The following NRIP1 variants were observed in gnomAD, a reference collection of about 807,000 sequenced individuals.
NRIP1 encodes the protein nuclear receptor interacting protein 1, also known as nuclear receptor-interacting protein 1.
In NRIP1, 28 loss-of-function variants were observed where a neutral mutation model predicts 75.0. The ratio of observed to expected loss-of-function variants is 0.37; its 90% CI spans 0.28 to 0.51. The LOEUF (loss-of-function observed/expected upper bound fraction) is 0.51, where lower values mean the gene tolerates loss of function less well. Among genes scored for constraint, NRIP1 ranks in the 20% least tolerant of loss-of-function variants. The probability of loss-of-function intolerance (pLI) is 0.92; values close to 1 mark genes in which losing one functional copy is unlikely to be tolerated. For synonymous variants in NRIP1, 526 were observed against 487.6 expected, an observed-to-expected ratio of 1.08 and a Z score of -1.04; for missense variants, 1,435 against 1,343.7, an observed-to-expected ratio of 1.07 and a Z score of -1.06.
intron 3 of NRIP1, among the ~76,000 whole-genome samples, chr21:14,978,599 A>G (rs1345037079): frequency 6.6e-6 from 1 of 152,200 alleles, no homozygotes; most frequent in Non-Finnish European, 1.5e-5. Flanking sequence ...ATCTTTGATG[A>G]CACAAATAAA....
chr21:15,000,439 T>C (rs961069987), intron 3 of NRIP1, among the ~76,000 whole-genome samples: 9 of 152,022 alleles, frequency 5.9e-5, no homozygotes, highest in Admixed American at 4.6e-4. Flanking sequence ...CCTTTCCTGT[T>C]AAAACAATCT....
At position 14,975,094 on chromosome 21, in the gene NRIP1, C is replaced by T. The variant is rs144534052; in HGVS notation, c.-334-6568G>A. 3.8e-3 allele frequency among the ~76,000 whole-genome samples: 575 copies of T among 151,610 alleles called. 4 individuals are homozygous for T. Among genetic ancestry groups the T allele is most frequent in the Non-Finnish European group, 4.5e-3 (304 of 67,864 alleles). On this transcript the variant is annotated intron_variant, in intron 3 of 3. Transcript: ENST00000318948. ...CACCTGTGCACTTTAGCCTGGGTGACAGAGCAAGACCCTGTGGAAAGAAAG... is the reference window on the plus strand; with the variant it reads ...CACCTGTGCACTTTAGCCTGGGTGATAGAGCAAGACCCTGTGGAAAGAAAG...
intron 3 of NRIP1, among the ~76,000 whole-genome samples, chr21:14,995,177 G>C (rs865901291): frequency 6.6e-6 from 1 of 152,218 alleles, no homozygotes; most frequent in Non-Finnish European, 1.5e-5. Flanking sequence ...GGAGTAACTA[G>C]ATAAGCAGAA....
chr21:14,980,873 T>C (rs1168023842), intron 3 of NRIP1, among the ~76,000 whole-genome samples: 1 of 152,140 alleles, frequency 6.6e-6, no homozygotes, highest in Non-Finnish European at 1.5e-5. Flanking sequence ...TTGCTAGTTT[T>C]TCAAAAATAA....
chr21:14,968,260 G>T lies in NRIP1; in HGVS notation c.-68C>A. 9.5e-7 allele frequency: 1 copy of T among 1,053,502 alleles called. No homozygotes were observed. The highest frequency in any genetic ancestry group is 1.6e-5 in the South Asian group (1 of 63,710). 65.3% of individuals were successfully genotyped at this position (1,053,502 alleles called of 1,614,324 possible). A position where few individuals can be genotyped will look rare whatever the true frequency, so the allele number is the denominator to read the frequency against. ...TAAAGAATGGTTTTCTGTGGTGAGT[G>T]CGATGTAACTTTAATAAAGGAGTAT... On this transcript the variant is annotated 5_prime_UTR_variant, in exon 4 of 4. Transcript: ENST00000318948.
At chr21:15,012,900 T>G (rs2088142651) in intron 3 of NRIP1, among the ~76,000 whole-genome samples, 1 of 152,188 alleles carries the variant, frequency 6.6e-6, no homozygotes, top group African/African-American at 2.4e-5. Context: ...ATTCTGGCTA[T>G]GTGGTAAAAC....
At chr21:14,992,730 G>C (rs971440253) in intron 3 of NRIP1, 1 of 152,022 alleles carries the variant, frequency 6.6e-6, no homozygotes, top group East Asian at 1.9e-4. Flanking sequence ...CTAAAAAAAA[G>C]TCCCTAAATT....
rs2086674887 is a variant in NRIP1 at position 14,964,736 on chromosome 21, T to C, written c.3457A>G (p.Ile1153Val). 1 of 1,550,730 alleles carries C rather than the reference T, an allele frequency of 6.4e-7. No individual in the cohort carries two copies. Among genetic ancestry groups the C allele is most frequent in the Non-Finnish European group, 8.6e-7 (1 of 1,156,120 alleles). ...VYGLLGSVLTIKKESE is the reference protein window; with the variant it reads ...VYGLLGSVLTVKKESE ...ACATTTTATTCTGATTCTTTCTTTA[T>C]CGTTAGCACGCTTCCCAGAAGTCCA... Residue 1153 changes from isoleucine to valine, a missense_variant, in exon 4 of 4, where the codon ATA (isoleucine) becomes GTA (valine). By Grantham distance (29) the Ile-to-Val change is conservative (BLOSUM62 3). Coordinates refer to ENST00000318948, the MANE Select transcript of NRIP1 (RefSeq NM_003489.4).
At chr21:15,016,966 A>G (rs1568982454) in intron 2 of NRIP1, among the ~76,000 whole-genome samples, 1 of 151,844 alleles carries the variant, frequency 6.6e-6, no homozygotes, top group Non-Finnish European at 1.5e-5. Flanking sequence ...CAAGAAAGAA[A>G]GAAAGAAAAG....
intron 3 of NRIP1, among the ~76,000 whole-genome samples, chr21:14,976,275 T>C (rs2087065660): frequency 6.6e-6 from 1 of 152,154 alleles, no homozygotes; most frequent in Non-Finnish European, 1.5e-5. Context: ...AAAAGAATTA[T>C]TTTAGAAAGT....
Position 14,967,095 on chromosome 21 carries a change from C to T in NRIP1, c.1098G>A (p.Leu366=). The T allele has an allele frequency of 6.2e-7, 1 of 1,614,002 alleles. No individual in the cohort carries two copies. The highest frequency in any genetic ancestry group is 2.2e-5 in the East Asian group (1 of 44,878). ...SPKNAGYKNS[L]ERNNIKQAAN... The stretch of plus-strand genomic sequence containing the variant: ...CAGCTTGTTTTATATTGTTTCTTTC[C>T]AGTGAGTTCTTATAACCTGCATTTT... The change falls in exon 4 of 4, where the codon CTG becomes CTA. Residue 366 remains leucine, a synonymous_variant. Transcript: ENST00000318948.
At chr21:14,978,160 G>C (rs1378636003) in intron 3 of NRIP1, among the ~76,000 whole-genome samples, 3 of 152,140 alleles carry the variant, frequency 2.0e-5, no homozygotes, top group Admixed American at 2.0e-4. Context: ...ACTCATTAGA[G>C]ACACTCCTGC....
intron 3 of NRIP1, among the ~76,000 whole-genome samples, chr21:15,001,652 A>G (rs2087852534): frequency 2.6e-5 from 4 of 152,332 alleles, no homozygotes; most frequent in African/African-American, 9.6e-5. Flanking sequence ...GCAGAAGAAT[A>G]AAGTAAACAA....
chr21:14,994,119 T>G (rs1193214557), intron 3 of NRIP1, among the ~76,000 whole-genome samples: 4 of 152,066 alleles, frequency 2.6e-5, no homozygotes, highest in African/African-American at 7.2e-5. Context: ...ATTGCAAGAT[T>G]TTTTTGGGGG....
At chr21:15,030,465 G>A (rs1419323318) in intron 2 of NRIP1, among the ~76,000 whole-genome samples, 2 of 152,116 alleles carry the variant, frequency 1.3e-5, no homozygotes, top group Non-Finnish European at 2.9e-5. Flanking sequence ...TGCATGCCTA[G>A]ACAACATGTC....
In NRIP1 at chr21:15,012,916, T is replaced by C. The variant is rs192066160; in HGVS notation, c.-335+1428A>G. Among the ~76,000 whole-genome samples the C allele has an allele frequency of 3.3e-5, 5 of 152,296 alleles. No individual in the cohort carries two copies. In the East Asian group the frequency reaches 9.6e-4, roughly 29 times the overall value. On this transcript the variant is annotated intron_variant, in intron 3 of 3. Transcript: ENST00000318948. ...TTCTGGCTATGTGGTAAAACAAAGG[T>C]GTTGAAAATTAAGAACAACAACAAA...
At position 15,064,926 on chromosome 21, in the gene NRIP1, G is replaced by T. The variant is rs1233026072; in HGVS notation, c.-719C>A. Reference sequence around the variant, plus strand: ...CGCGCGGGTGGCGGGCGGGCGTGGGGCCGGGTCGTCCCTGCGCCTCGCCGC... The same window carrying T: ...CGCGCGGGTGGCGGGCGGGCGTGGGTCCGGGTCGTCCCTGCGCCTCGCCGC... On this transcript the variant is annotated 5_prime_UTR_variant, in exon 1 of 4. Coordinates refer to ENST00000318948, the MANE Select transcript of NRIP1 (RefSeq NM_003489.4). 1 of 148,652 alleles carries T rather than the reference G, an allele frequency of 6.7e-6. No homozygotes were observed. The highest frequency in any genetic ancestry group is 2.5e-5 in the African/African-American group (1 of 40,750). The allele number at this position is 148,652 out of a possible 1,614,324, so 9.2% of individuals were successfully genotyped here.
intron 3 of NRIP1, among the ~76,000 whole-genome samples, chr21:14,979,507 C>T (rs1002516361): frequency 2.6e-5 from 4 of 152,264 alleles, no homozygotes; most frequent in African/African-American, 9.6e-5. Context: ...GGCTTTTGAT[C>T]AAAGCTCCTA....
Position 14,965,872 on chromosome 21 carries a change from T to A in NRIP1, c.2321A>T (p.His774Leu). ...QIPNTNVHLS[H>L]DAKSAPFLGM... ...CAAGAATGGGGCACTCTTAGCATCA[T>A]GGCTCAAGTGCACATTTGTGTTAGG... is the stretch of plus-strand genomic sequence containing the variant. The change falls in exon 4 of 4, where the codon CAT (histidine) becomes CTT (leucine). Residue 774 changes from histidine to leucine, a missense_variant. By Grantham distance (99) the His-to-Leu change is moderately conservative. Transcript: ENST00000318948. 1.2e-6 allele frequency: 2 copies of A among 1,614,122 alleles called. No individual in the cohort carries two copies. Among genetic ancestry groups the A allele is most frequent in the Non-Finnish European group, 1.7e-6 (2 of 1,179,982 alleles).
Sources: allele counts gnomAD v4.1 joint callset (sites outside exome capture counted in the v4.1 genomes callset), GRCh38; gene constraint gnomAD v4.1.1; transcripts MANE v1.5; gene names NCBI Gene and HGNC (gene_info 2026-07-23, HGNC 2026-07-21).